The following WDR33 variants were observed in gnomAD, a reference collection of about 807,000 sequenced individuals.
WDR33 encodes the protein pre-mRNA 3' end processing protein WDR33.
In WDR33, 47 loss-of-function variants were observed where a neutral mutation model predicts 164.9. That is an observed-to-expected ratio of 0.29 (90% CI 0.23 to 0.36). WDR33 has a LOEUF of 0.36. Ranked by LOEUF, WDR33 falls within the 10% of genes least tolerant of loss-of-function variation. The pLI is 1.00. For missense variants in WDR33, 1,137 were observed against 1,754.1 expected (o/e 0.65, Z 6.28); for synonymous variants, 505 against 589.0 (o/e 0.86, Z 2.06).
In WDR33 at chr2:127,722,496, A is replaced by G; in HGVS notation, c.1518+95T>C. 1 of 1,518,430 alleles carries G rather than the reference A, an allele frequency of 6.6e-7. No homozygotes were observed. Among genetic ancestry groups the G allele is most frequent in the Non-Finnish European group, 8.8e-7 (1 of 1,130,300 alleles). The allele number at this position is 1,518,430 out of a possible 1,614,324, so 94.1% of individuals were successfully genotyped here. On this transcript the variant is annotated intron_variant, in intron 14 of 21. Coordinates refer to ENST00000322313, the MANE Select transcript of WDR33 (RefSeq NM_018383.5). This position sits in a 1 kb window ranked among gnomAD's most constrained non-coding sequence, Gnocchi z 5.1. ...GAACATGGGAAAAATGCTCCAGTACAGAAACACCTTCAACAGTGAGATAAT... is the reference window on the plus strand; with the variant it reads ...GAACATGGGAAAAATGCTCCAGTACGGAAACACCTTCAACAGTGAGATAAT...
rs1013209889 is a variant in WDR33, at chr2:127,705,772, AAC to A, written c.*549_*550del. ...AATGGTGTGACAGAATGTGTTGAAA[AAC>A]ACAAAGTTCACAGCTGAGATTAATT... On this transcript the variant is annotated 3_prime_UTR_variant, in exon 22 of 22. Coordinates refer to ENST00000322313, the MANE Select transcript of WDR33 (RefSeq NM_018383.5). The surrounding 1 kb of genome is among the most constrained non-coding windows in gnomAD (Gnocchi z 4.5). The A allele has an allele frequency of 4.6e-5, 7 of 152,438 alleles. No individual in the cohort carries two copies. Among genetic ancestry groups the A allele is most frequent in the Non-Finnish European group, 1.5e-5 (1 of 68,118 alleles). The allele number at this position is 152,438 out of a possible 1,614,324, so 9.4% of individuals were successfully genotyped here. A position where few individuals can be genotyped will look rare whatever the true frequency, so the allele number is the denominator to read the frequency against.
chr2:127,737,187 T>A (rs561007959), intron 7 of WDR33: 1 of 985,376 alleles, frequency 1.0e-6, no homozygotes, highest in African/African-American at 1.7e-5. Context: ...AATGTGGCAA[T>A]CAAATATTTT....
At position 127,738,029 on chromosome 2, in the gene WDR33, A is replaced by G; in HGVS notation, c.725-11252T>C. The G allele has an allele frequency of 6.2e-7, 1 of 1,613,178 alleles. No homozygotes were observed. The highest frequency in any genetic ancestry group is 1.3e-5 in the African/African-American group (1 of 74,994). On this transcript the variant is annotated intron_variant, in intron 7 of 21. Transcript: ENST00000322313. This position sits in a 1 kb window ranked among gnomAD's most constrained non-coding sequence, Gnocchi z 4.4. ...TTCACCTCTTGACAGAAAGGAAGTA[A>G]CAACGGCAGTGATGAAAACATGTAT...
At chr2:127,732,293 C>G (rs2105392507) in intron 7 of WDR33, among the ~76,000 whole-genome samples, 1 of 151,830 alleles carries the variant, frequency 6.6e-6, no homozygotes, top group Non-Finnish European at 1.5e-5. Flanking sequence ...CTTCTATACT[C>G]TTGAACTTTT....
intron 1 of WDR33, among the ~76,000 whole-genome samples, chr2:127,793,129 A>G (rs1688899063): frequency 6.6e-6 from 1 of 152,194 alleles, no homozygotes; most frequent in African/African-American, 2.4e-5. Context: ...ATGATTTGGT[A>G]CATCAAAAAC....
chr2:127,780,537 T>C (rs1208652221), intron 1 of WDR33, among the ~76,000 whole-genome samples: 1 of 152,192 alleles, frequency 6.6e-6, no homozygotes. Flanking sequence ...GACCATTCAA[T>C]CTGTTAAAGA....
At chr2:127,776,798 G>T (rs1233660868) in intron 1 of WDR33, among the ~76,000 whole-genome samples, 2 of 152,206 alleles carry the variant, frequency 1.3e-5, no homozygotes, top group Non-Finnish European at 2.9e-5. Context: ...ACGACAGAAA[G>T]AACCAATCCT....
At chr2:127,765,626 A>G (rs1290513896) in intron 4 of WDR33, among the ~76,000 whole-genome samples, 1 of 152,172 alleles carries the variant, frequency 6.6e-6, no homozygotes, top group Admixed American at 6.5e-5. Context: ...TAAGGTGATC[A>G]GTCACCAGAA....
chr2:127,805,516 G>C (rs965047868), intron 1 of WDR33, among the ~76,000 whole-genome samples: 1 of 152,114 alleles, frequency 6.6e-6, no homozygotes, highest in Non-Finnish European at 1.5e-5. Flanking sequence ...GACATTTTAA[G>C]CATACAATAA....
In WDR33 at chr2:127,719,718, ACCTTGGATCCCTTGAGACCCTGGTCCG is replaced by A. The variant is rs1406927160; in HGVS notation, c.2280_2306del (p.Gly761_Gly769del). Reference sequence around the variant, plus strand: ...CCATCAGAGGTCCCTGAGACACAGGACCTTGGATCCCTTGAGACCCTGGTCCGCCTTGGATCCCATGAGGATGAGGAG... The same window carrying A: ...CCATCAGAGGTCCCTGAGACACAGGACCTTGGATCCCATGAGGATGAGGAG... On this transcript the variant is annotated inframe_deletion, in exon 16 of 22. Transcript: ENST00000322313. This position sits in a 1 kb window ranked among gnomAD's most constrained non-coding sequence, Gnocchi z 6.5. 3 of 1,613,664 alleles carry A rather than the reference ACCTTGGATCCCTTGAGACCCTGGTCCG, an allele frequency of 1.9e-6. No individual in the cohort carries two copies. The highest frequency in any genetic ancestry group is 3.3e-5 in the Admixed American group (2 of 59,988).
intron 1 of WDR33, among the ~76,000 whole-genome samples, chr2:127,772,207 T>C (rs544805989): frequency 6.6e-6 from 1 of 152,016 alleles, no homozygotes; most frequent in East Asian, 1.9e-4. Flanking sequence ...GAGGCCGAGA[T>C]GGGCGGATCA....
At chr2:127,803,318 G>A (rs1232105166) in intron 1 of WDR33, among the ~76,000 whole-genome samples, 6 of 152,086 alleles carry the variant, frequency 3.9e-5, no homozygotes, top group Non-Finnish European at 8.8e-5. Context: ...AGTGGCTCAC[G>A]TCTGTAATCC....
Position 127,701,839 on chromosome 2 carries a change from G to T in WDR33, c.*4484C>A. The T allele has an allele frequency of 6.9e-7, 1 of 1,458,722 alleles. No individual in the cohort carries two copies. Among genetic ancestry groups the T allele is most frequent in the Non-Finnish European group, 9.0e-7 (1 of 1,109,814 alleles). 90.4% of individuals were successfully genotyped at this position (1,458,722 alleles called of 1,614,324 possible). On this transcript the variant is annotated 3_prime_UTR_variant, in exon 22 of 22. Coordinates refer to ENST00000322313, the MANE Select transcript of WDR33 (RefSeq NM_018383.5). ...CTCTACGCACCGGTGTTGCTGCTGCGCGCGCGCAAGTTCGCGCTGCTCTGG... is the reference window on the plus strand; with the variant it reads ...CTCTACGCACCGGTGTTGCTGCTGCTCGCGCGCAAGTTCGCGCTGCTCTGG...
In WDR33 at chr2:127,726,643, T is replaced by C. The variant is rs774270276; in HGVS notation, c.851+8A>G. The C allele has an allele frequency of 5.0e-6, 8 of 1,613,892 alleles. No homozygotes were observed. In the East Asian group the frequency reaches 1.3e-4, roughly 27 times the overall value. On this transcript the variant is annotated splice_region_variant and intron_variant, in intron 8 of 21. Transcript: ENST00000322313. This position sits in a 1 kb window ranked among gnomAD's most constrained non-coding sequence, Gnocchi z 4.8. ...TTCAGGGGCCAAGGTGGGGTTCCTG[T>C]CACTTACAGTGTTGCAAGACTCTGC...
chr2:127,782,151 C>T (rs886506597), intron 1 of WDR33, among the ~76,000 whole-genome samples: 2 of 152,034 alleles, frequency 1.3e-5, no homozygotes, highest in African/African-American at 2.4e-5. Context: ...TCATGCCTGT[C>T]ATCCCAGCAC....
chr2:127,704,801 C>G lies in WDR33; in HGVS notation c.*1522G>C, dbSNP rs563881524. ...TAAGCAACCATTGAAACTTCCAGCA[C>G]CAGCGGCCAGGTACTGTGGCTCAGA... is the stretch of plus-strand genomic sequence containing the variant. On this transcript the variant is annotated 3_prime_UTR_variant, in exon 22 of 22. Transcript: ENST00000322313. 6 of 167,182 alleles carry G rather than the reference C, an allele frequency of 3.6e-5. No homozygotes were observed. Among genetic ancestry groups the G allele is most frequent in the African/African-American group, 1.4e-4 (6 of 41,576 alleles). 10.4% of individuals were successfully genotyped at this position (167,182 alleles called of 1,614,324 possible). A position where few individuals can be genotyped will look rare whatever the true frequency, so the allele number is the denominator to read the frequency against.
rs1047170178 is a variant in WDR33 at position 127,705,596 on chromosome 2, C to T, written c.*727G>A. 6.6e-6 allele frequency: 1 copy of T among 152,210 alleles called. No individual in the cohort carries two copies. The highest frequency in any genetic ancestry group is 6.5e-5 in the Admixed American group (1 of 15,280). The allele number at this position is 152,210 out of a possible 1,614,324, so 9.4% of individuals were successfully genotyped here. A position where few individuals can be genotyped will look rare whatever the true frequency, so the allele number is the denominator to read the frequency against. ...CCTAAACTGTGATTCTTAGGAGATG[C>T]TTCCAAGGGGAAGCTCCCTCGTTGG... On this transcript the variant is annotated 3_prime_UTR_variant, in exon 22 of 22. Transcript: ENST00000322313. The surrounding 1 kb of genome is among the most constrained non-coding windows in gnomAD (Gnocchi z 4.5).
intron 3 of WDR33, 38 bp from the exon 4 acceptor site, chr2:127,768,331 T>TTACA (rs1687885595): frequency 7.6e-7 from 1 of 1,317,526 alleles, no homozygotes; most frequent in African/African-American, 1.5e-5. Flanking sequence ...GAGCTCCTGA[T>TTACA]TACATACAAG....
chr2:127,763,178 C>G lies in WDR33; in HGVS notation c.627-19G>C. 6.2e-7 allele frequency: 1 copy of G among 1,613,896 alleles called. No individual in the cohort carries two copies. Among genetic ancestry groups the G allele is most frequent in the Non-Finnish European group, 8.5e-7 (1 of 1,179,836 alleles). ...TGAGAAACTGTTACATGAAGACACA[C>G]AGCAGGGGAAAGAAGTCAGCATTTA... is the stretch of plus-strand genomic sequence containing the variant. On this transcript the variant is annotated intron_variant, in intron 6 of 21. Transcript: ENST00000322313. This position sits in a 1 kb window ranked among gnomAD's most constrained non-coding sequence, Gnocchi z 4.5.
Sources: gnomAD v4.1 joint callset for allele counts (sites outside exome capture counted in the v4.1 genomes callset) on GRCh38, gnomAD v4.1.1 for gene constraint, Gnocchi (gnomAD v3.1) non-coding constraint, MANE v1.5 for transcripts, NCBI Gene and HGNC (gene_info 2026-07-23, HGNC 2026-07-21) for gene names.